Variants in NAA60 observed in about 807,000 individuals in gnomAD.
NAA60 encodes N-alpha-acetyltransferase 60, NatF catalytic subunit.
In NAA60, 8 loss-of-function variants were observed where a neutral mutation model predicts 26.1. That is an observed-to-expected ratio of 0.31 (90% confidence interval 0.18 to 0.55). The LOEUF (loss-of-function observed/expected upper bound fraction) is 0.55. Ranked by LOEUF, NAA60 falls within the 20% of genes least tolerant of loss-of-function variation. The pLI is 0.93. For synonymous variants in NAA60, 131 were observed against 122.5 expected (o/e 1.07, Z -0.46); for missense variants, 290 against 311.3 (o/e 0.93, Z 0.51).
chr16:3,461,283 C>T (rs944533281), intron 2 of NAA60, among the ~76,000 whole-genome samples: 31 of 152,166 alleles, frequency 2.0e-4, no homozygotes, highest in Non-Finnish European at 3.7e-4. Context: ...GGAGCCAGGG[C>T]TTTCTGCAGG....
At chr16:3,448,882 C>T (rs1253471325) in intron 2 of NAA60, 1 of 231,598 alleles carries the variant, frequency 4.3e-6, no homozygotes, top group Non-Finnish European at 8.7e-6. Flanking sequence ...GAGAACGAGA[C>T]TCTCCCAGTG....
intron 2 of NAA60, among the ~76,000 whole-genome samples, chr16:3,452,486 C>G (rs543726345): frequency 6.6e-5 from 10 of 151,876 alleles, no homozygotes; most frequent in South Asian, 6.2e-4. Flanking sequence ...GAAACTCTAT[C>G]TCTACTAAAA....
At chr16:3,446,336 C>G (rs12935045) in intron 1 of NAA60, among the ~76,000 whole-genome samples, 11 of 152,004 alleles carry the variant, frequency 7.2e-5, no homozygotes, top group Non-Finnish European at 1.3e-4. Context: ...TCGAGACCAT[C>G]CTGGCTAACA....
chr16:3,482,418 G>A (rs1215006754), intron 4 of NAA60, 84 bp from the exon 5 acceptor site: 7 of 1,139,778 alleles, frequency 6.1e-6, no homozygotes, highest in Non-Finnish European at 9.0e-6. Context: ...TGGGAAGTCG[G>A]TGCGGAGCCC....
chr16:3,478,137 G>A (rs4786423), intron 3 of NAA60, among the ~76,000 whole-genome samples: 1 of 152,050 alleles, frequency 6.6e-6, no homozygotes, highest in African/African-American at 2.4e-5. Context: ...TCGGGAGGCT[G>A]AGGCAGGAGA....
chr16:3,450,039 A>T, intron 2 of NAA60: 1 of 397,060 alleles, frequency 2.5e-6, no homozygotes, highest in Non-Finnish European at 4.4e-6. Context: ...TCAAAAAAAG[A>T]GAAAAGAAGA....
At position 3,476,327 on chromosome 16, in the gene NAA60, T is replaced by A; in HGVS notation, c.100T>A (p.Phe34Ile). 1.2e-6 allele frequency: 2 copies of A among 1,613,612 alleles called. No homozygotes were observed. The highest frequency in any genetic ancestry group is 1.7e-6 in the Non-Finnish European group (2 of 1,179,638). The change falls in exon 3 of 8, where the codon TTC becomes ATC. Residue 34 changes from phenylalanine to isoleucine, a missense_variant. Transcript: ENST00000407558. ...TGTGAAGCACCTGTGTGGCGACTGG[T>A]TCCCCATCGAGTAAGTGGAGCGGAT... ...DTVKHLCGDW[F>I]PIEYPDSWYR...
At chr16:3,453,905 A>G (rs1055291319) in intron 2 of NAA60, among the ~76,000 whole-genome samples, 1 of 151,934 alleles carries the variant, frequency 6.6e-6, no homozygotes, top group Non-Finnish European at 1.5e-5. Context: ...TCCCAAATAG[A>G]GCTTGCGTAG....
chr16:3,448,662 A>G, intron 2 of NAA60, 122 bp downstream of exon 2: 5 of 784,924 alleles, frequency 6.4e-6, no homozygotes, highest in Non-Finnish European at 9.8e-6. Context: ...TTTAGTACTG[A>G]ATGATAGAAG....
At position 3,475,019 on chromosome 16, in the gene NAA60, G is replaced by A. The variant is rs571584263; in HGVS notation, c.-6-1203G>A. Among the ~76,000 whole-genome samples, 14 of 151,296 alleles carry A rather than the reference G, an allele frequency of 9.3e-5. No homozygotes were observed. The East Asian group carries it at 1.2e-3, about 13-fold the overall frequency. On this transcript the variant is annotated intron_variant, in intron 2 of 7. Coordinates refer to ENST00000407558, the MANE Select transcript of NAA60 (RefSeq NM_001083601.3). ...TGATCTCAAACTCCTGGGTTCAGGCGATCCTCCCACCTCAGCCTTCCAAAG... is the reference window on the plus strand; with the variant it reads ...TGATCTCAAACTCCTGGGTTCAGGCAATCCTCCCACCTCAGCCTTCCAAAG...
intron 4 of NAA60, 30 bp downstream of exon 4, chr16:3,479,630 C>A: frequency 3.1e-6 from 5 of 1,610,682 alleles, no homozygotes; most frequent in Non-Finnish European, 4.2e-6. Flanking sequence ...GAGGACTTGG[C>A]AGTCACTGTC....
intron 2 of NAA60, among the ~76,000 whole-genome samples, chr16:3,457,307 C>T (rs1435965781): frequency 6.6e-6 from 1 of 150,996 alleles, no homozygotes; most frequent in Non-Finnish European, 1.5e-5. Context: ...ACCCAAAAAA[C>T]CTGTTTTTTA....
chr16:3,466,746 G>C (rs1342945103), intron 2 of NAA60, among the ~76,000 whole-genome samples: 1 of 152,178 alleles, frequency 6.6e-6, no homozygotes, highest in East Asian at 1.9e-4. Context: ...GAGAGGAAGA[G>C]GGGGAAGGTG....
chr16:3,479,763 CTGTG>C (rs397970860), intron 4 of NAA60, among the ~76,000 whole-genome samples, 163 bp downstream of exon 4: 19 of 151,108 alleles, frequency 1.3e-4, no homozygotes, highest in African/African-American at 4.4e-4. Context: ...TGGTGCTTTT[CTGTG>C]TGTGTGTGTG....
chr16:3,468,239 A>G (rs12185156), intron 2 of NAA60: 9,358 of 152,326 alleles, frequency 0.061, 379 homozygotes, highest in Admixed American at 0.084. Context: ...GAGGGGACCA[A>G]TCAGAGGTAC....
intron 2 of NAA60, among the ~76,000 whole-genome samples, chr16:3,459,244 A>G (rs534658528): frequency 1.3e-5 from 2 of 152,246 alleles, no homozygotes; most frequent in Non-Finnish European, 2.9e-5. Flanking sequence ...TGAGTGAACC[A>G]TGAAAGTCAT....
At chr16:3,458,084 C>T (rs1050609744) in intron 2 of NAA60, 3 of 985,230 alleles carry the variant, frequency 3.0e-6, no homozygotes, top group Non-Finnish European at 3.6e-6. Flanking sequence ...TTACATAACT[C>T]GTTGCGGGCT....
chr16:3,450,151 C>A, intron 2 of NAA60: 1 of 369,966 alleles, frequency 2.7e-6, no homozygotes, highest in Non-Finnish European at 4.8e-6. Flanking sequence ...ATTAATAAAC[C>A]CTTCAGAACC....
chr16:3,466,156 C>T (rs747896158), intron 2 of NAA60, among the ~76,000 whole-genome samples: 6 of 152,236 alleles, frequency 3.9e-5, no homozygotes, highest in Non-Finnish European at 4.4e-5. Context: ...GGTGCCAGCA[C>T]CGGCAATTTG....
Sources: gnomAD v4.1 joint callset for allele counts (sites outside exome capture counted in the v4.1 genomes callset) on GRCh38, gnomAD v4.1.1 for gene constraint, MANE v1.5 for transcripts, NCBI Gene and HGNC (gene_info 2026-07-23, HGNC 2026-07-21) for gene names.